CTNNBL1: variants seen among roughly 807,000 people sequenced by gnomAD.
CTNNBL1 encodes the protein beta-catenin-like protein 1.
A neutral mutation model predicts 72.7 loss-of-function variants in CTNNBL1; 31 were observed. That is an observed-to-expected ratio of 0.43 (90% CI 0.32 to 0.58). The LOEUF (loss-of-function observed/expected upper bound fraction) is 0.58, where lower values mean the gene tolerates loss of function less well. Ranked by LOEUF, CTNNBL1 falls within the 20% of genes least tolerant of loss-of-function variation. The pLI, the probability that CTNNBL1 is intolerant of heterozygous loss-of-function variation, is 0.08. For synonymous variants in CTNNBL1, 240 were observed against 267.3 expected (o/e 0.90, Z 1.00); for missense variants, 534 against 725.1 (o/e 0.74, Z 3.03).
chr20:37,829,426 C>T (rs1432659445), intron 11 of CTNNBL1, among the ~76,000 whole-genome samples: 3 of 152,078 alleles, frequency 2.0e-5, no homozygotes, highest in Admixed American at 6.5e-5. Context: ...GTTCTGAAGC[C>T]GAGTGGGCAG....
At chr20:37,744,834 GTC>G (rs1379810020) in intron 3 of CTNNBL1, 3 of 152,182 alleles carry the variant, frequency 2.0e-5, no homozygotes, top group East Asian at 3.8e-4. Flanking sequence ...TGGGGGGAAA[GTC>G]TGTGAGTTGA....
At chr20:37,699,626 C>T (rs2072823187) in intron 1 of CTNNBL1, among the ~76,000 whole-genome samples, 1 of 152,192 alleles carries the variant, frequency 6.6e-6, no homozygotes, top group Admixed American at 6.5e-5. Flanking sequence ...TTATCATTTA[C>T]AAAGTAGACT....
chr20:37,831,893 C>T (rs1366029535), intron 11 of CTNNBL1, among the ~76,000 whole-genome samples: 3 of 152,156 alleles, frequency 2.0e-5, no homozygotes, highest in African/African-American at 7.2e-5. Context: ...ACAGATCACA[C>T]ATTGTATTTT....
At chr20:37,839,312 A>G (rs2072281494) in intron 11 of CTNNBL1, among the ~76,000 whole-genome samples, 1 of 152,202 alleles carries the variant, frequency 6.6e-6, no homozygotes, top group Non-Finnish European at 1.5e-5. Context: ...TTTGTTGTTC[A>G]CACTGTGAGC....
chr20:37,869,282 G>A (rs756788954), intron 15 of CTNNBL1, among the ~76,000 whole-genome samples: 4 of 152,238 alleles, frequency 2.6e-5, no homozygotes, highest in Non-Finnish European at 5.9e-5. Context: ...TGGCAGGGGT[G>A]GGGCTGACAG....
At chr20:37,740,370 C>G (rs1277861097) in intron 3 of CTNNBL1, among the ~76,000 whole-genome samples, 3 of 152,098 alleles carry the variant, frequency 2.0e-5, no homozygotes, top group African/African-American at 4.8e-5. Flanking sequence ...CAGAAACATT[C>G]AAATTTATTT....
chr20:37,849,072 C>G (rs1031297728), intron 13 of CTNNBL1, among the ~76,000 whole-genome samples: 6 of 152,224 alleles, frequency 3.9e-5, no homozygotes, highest in Admixed American at 6.5e-5. Flanking sequence ...ATCTCATAAT[C>G]TGGTCCGCTT....
intron 3 of CTNNBL1, among the ~76,000 whole-genome samples, chr20:37,740,337 G>A (rs956587416): frequency 6.6e-6 from 1 of 152,006 alleles, no homozygotes; most frequent in African/African-American, 2.4e-5. Flanking sequence ...GAGTGTATTC[G>A]GATGAAACTT....
intron 9 of CTNNBL1, 147 bp downstream of exon 9, chr20:37,777,859 C>T: frequency 1.3e-6 from 1 of 751,116 alleles, no homozygotes; most frequent in South Asian, 1.6e-5. Flanking sequence ...TACGGAGGGA[C>T]ATGGTTTGCC....
At chr20:37,772,599 T>C (rs927679999) in intron 7 of CTNNBL1, among the ~76,000 whole-genome samples, 4 of 152,124 alleles carry the variant, frequency 2.6e-5, no homozygotes, top group African/African-American at 7.2e-5. Context: ...CCGCCCGCCT[T>C]GGCCTCCCAA....
At position 37,848,448 on chromosome 20, in the gene CTNNBL1, G is replaced by C. The variant is rs927570611; in HGVS notation, c.1392+6029G>C. On this transcript the variant is annotated intron_variant, in intron 13 of 15. Transcript: ENST00000361383. ...TGGAGTTACAGACCTGAGCCACTGC[G>C]CCTAGCCTAGGCTCTTCTTTAAACC... Among the ~76,000 whole-genome samples the C allele has an allele frequency of 3.3e-5, 5 of 152,060 alleles. No individual in the cohort carries two copies. In the South Asian group the frequency reaches 1.0e-3, roughly 32 times the overall value.
rs895316128 is a variant in CTNNBL1 at position 37,743,397 on chromosome 20, C to A, written c.327-3071C>A. Among the ~76,000 whole-genome samples the A allele has an allele frequency of 2.6e-4, 39 of 151,762 alleles. 1 individual carries two copies. The highest frequency in any genetic ancestry group is 4.6e-4 in the Non-Finnish European group (31 of 67,992). On this transcript the variant is annotated intron_variant, in intron 3 of 15. Coordinates refer to ENST00000361383, the MANE Select transcript of CTNNBL1 (RefSeq NM_030877.5). ...TGATTCTGATTTAGCTTCCACACTTCAAGTGATCTAAAAAAATAATCTATT... is the reference window on the plus strand; with the variant it reads ...TGATTCTGATTTAGCTTCCACACTTAAAGTGATCTAAAAAAATAATCTATT...
chr20:37,718,590 T>C (rs1224869923), intron 1 of CTNNBL1, among the ~76,000 whole-genome samples: 2 of 138,606 alleles, frequency 1.4e-5, no homozygotes, highest in African/African-American at 5.5e-5. Flanking sequence ...GGCGGGGGGC[T>C]GACCCCCCCC....
rs565693979 is a variant in CTNNBL1 at position 37,711,222 on chromosome 20, C to T, written c.30+17070C>T. Among the ~76,000 whole-genome samples, 56 of 152,096 alleles carry T rather than the reference C, an allele frequency of 3.7e-4. 1 individual carries two copies. Among genetic ancestry groups the T allele is most frequent in the Non-Finnish European group, 7.3e-4 (50 of 68,030 alleles). On this transcript the variant is annotated intron_variant, in intron 1 of 15. Coordinates refer to ENST00000361383, the MANE Select transcript of CTNNBL1 (RefSeq NM_030877.5). ...GCAACTCTGACAGTCTGTGAGTTCT[C>T]GTCTTATCTCCTTTTGCCATAGTTT...
chr20:37,753,320 A>G (rs1381926061), intron 4 of CTNNBL1, among the ~76,000 whole-genome samples: 1 of 152,218 alleles, frequency 6.6e-6, no homozygotes, highest in Non-Finnish European at 1.5e-5. Context: ...AGGAGATACC[A>G]CTGAAATATG....
At chr20:37,695,188 CTTAA>C (rs769951253) in intron 1 of CTNNBL1, among the ~76,000 whole-genome samples, 3 of 151,992 alleles carry the variant, frequency 2.0e-5, no homozygotes, top group Admixed American at 6.6e-5. Flanking sequence ...ATAAAATATA[CTTAA>C]TTAATTTTTA....
intron 15 of CTNNBL1, among the ~76,000 whole-genome samples, chr20:37,870,455 C>T (rs980739261): frequency 6.6e-6 from 1 of 152,114 alleles, no homozygotes; most frequent in Non-Finnish European, 1.5e-5. Flanking sequence ...TCACTGTCAG[C>T]CTCCCCAATG....
At chr20:37,862,706 C>T (rs1476807513) in intron 15 of CTNNBL1, among the ~76,000 whole-genome samples, 3 of 151,710 alleles carry the variant, frequency 2.0e-5, no homozygotes, top group Admixed American at 6.6e-5. Context: ...GCTTTCTGCC[C>T]ACCCTCACCT....
intron 11 of CTNNBL1, among the ~76,000 whole-genome samples, chr20:37,814,166 T>G (rs918344405): frequency 6.6e-6 from 1 of 152,200 alleles, no homozygotes; most frequent in African/African-American, 2.4e-5. Context: ...TTCCAAAAAC[T>G]GAATCACAAG....
Sources: allele counts gnomAD v4.1 joint callset (sites outside exome capture counted in the v4.1 genomes callset), GRCh38; gene constraint gnomAD v4.1.1; transcripts MANE v1.5; gene names NCBI Gene and HGNC (gene_info 2026-07-23, HGNC 2026-07-21).